SND1: variants seen among roughly 807,000 people sequenced by gnomAD.
SND1 encodes the protein staphylococcal nuclease and tudor domain containing 1.
A neutral mutation model predicts 121.7 loss-of-function variants in SND1; 38 were observed. The observed-to-expected ratio is 0.31, with a 90% CI of 0.24 to 0.41. SND1 has a LOEUF of 0.41. Among genes scored for constraint, SND1 ranks in the 10% least tolerant of loss-of-function variants. SND1 has a pLI of 1.00. For missense variants in SND1, 868 were observed against 1,184.6 expected (o/e 0.73, Z 3.92); for synonymous variants, 401 against 447.4 (o/e 0.90, Z 1.31).
intron 9 of SND1, among the ~76,000 whole-genome samples, chr7:127,720,286 T>C (rs982844665): frequency 6.6e-6 from 1 of 152,232 alleles, no homozygotes; most frequent in Non-Finnish European, 1.5e-5. Context: ...TTCAGTCTGG[T>C]AGCTCTTAAA....
At chr7:127,709,349 TC>T (rs1413929890) in intron 9 of SND1, among the ~76,000 whole-genome samples, 1 of 152,202 alleles carries the variant, frequency 6.6e-6, no homozygotes, top group African/African-American at 2.4e-5. Flanking sequence ...TTTTTCGCCA[TC>T]TTCACTTTGA....
chr7:127,668,597 G>A (rs1795459826), intron 1 of SND1, among the ~76,000 whole-genome samples: 1 of 152,192 alleles, frequency 6.6e-6, no homozygotes, highest in African/African-American at 2.4e-5. Context: ...GTACAGTGGT[G>A]GACTCAGGAG....
intron 10 of SND1, among the ~76,000 whole-genome samples, chr7:127,742,118 T>C (rs1324643423): frequency 6.6e-6 from 1 of 152,180 alleles, no homozygotes; most frequent in Non-Finnish European, 1.5e-5. Context: ...AGCTGGTAGC[T>C]GGGCCTAGGT....
intron 14 of SND1, among the ~76,000 whole-genome samples, chr7:127,921,070 A>G (rs946700530): frequency 2.6e-5 from 4 of 152,194 alleles, no homozygotes; most frequent in African/African-American, 7.2e-5. Context: ...TAGAATTTGT[A>G]TTTGATTGAG....
intron 11 of SND1, among the ~76,000 whole-genome samples, chr7:127,809,977 T>A (rs1798304010): frequency 6.6e-6 from 1 of 152,158 alleles, no homozygotes; most frequent in Non-Finnish European, 1.5e-5. Flanking sequence ...TCTCATGAAG[T>A]TGAGTTATGA....
intron 15 of SND1, among the ~76,000 whole-genome samples, chr7:127,940,458 C>T (rs182906715): frequency 1.3e-5 from 2 of 152,196 alleles, no homozygotes; most frequent in African/African-American, 2.4e-5. Context: ...GACCTGGATG[C>T]AGGAGAGGGA....
chr7:127,911,758 C>T (rs1445070217), intron 14 of SND1, among the ~76,000 whole-genome samples: 1 of 152,140 alleles, frequency 6.6e-6, no homozygotes, highest in African/African-American at 2.4e-5. Context: ...CCTTGGCCTC[C>T]CAAAGTGCTA....
At chr7:127,911,253 C>T (rs1049104412) in intron 14 of SND1, among the ~76,000 whole-genome samples, 2 of 152,254 alleles carry the variant, frequency 1.3e-5, no homozygotes, top group Non-Finnish European at 2.9e-5. Context: ...ATGCCATCAC[C>T]TCTGTGGCAC....
chr7:127,821,469 G>A (rs1435112131), intron 11 of SND1, among the ~76,000 whole-genome samples: 1 of 152,086 alleles, frequency 6.6e-6, no homozygotes, highest in Non-Finnish European at 1.5e-5. Flanking sequence ...CTCTCCAACT[G>A]TTGTCTCCAG....
chr7:127,999,444 T>TC (rs1334441005), intron 16 of SND1: 2 of 151,722 alleles, frequency 1.3e-5, no homozygotes, highest in Non-Finnish European at 2.9e-5. Context: ...GTTTCATTTT[T>TC]CCCCCCAAGT....
At chr7:127,745,006 T>G (rs533442214) in intron 10 of SND1, among the ~76,000 whole-genome samples, 2 of 152,356 alleles carry the variant, frequency 1.3e-5, no homozygotes, top group South Asian at 4.1e-4. Context: ...ATAGGAAGTT[T>G]AATTCCAAGA....
At chr7:127,936,109 T>G (rs1801055702) in intron 15 of SND1, among the ~76,000 whole-genome samples, 1 of 152,110 alleles carries the variant, frequency 6.6e-6, no homozygotes, top group Non-Finnish European at 1.5e-5. Flanking sequence ...AGCCAACAGG[T>G]CAGTGCCTCC....
Position 127,771,600 on chromosome 7 carries a change from A to G in SND1, c.1153-35884A>G, listed in dbSNP as rs1026231942. Among the ~76,000 whole-genome samples the G allele has an allele frequency of 3.9e-5, 6 of 152,274 alleles. No individual in the cohort carries two copies. In the Middle Eastern group the frequency reaches 0.014, roughly 345 times the overall value. On this transcript the variant is annotated intron_variant, in intron 10 of 23. Transcript: ENST00000354725. ...GCCTTCTTAGGCTTATTGGAGATAT[A>G]TCATCAATTAAAAAAAAAGAAGTCT...
At chr7:127,712,042 A>G (rs1048214400) in intron 9 of SND1, among the ~76,000 whole-genome samples, 6 of 151,048 alleles carry the variant, frequency 4.0e-5, no homozygotes, top group African/African-American at 1.2e-4. Flanking sequence ...TATTTTTCAT[A>G]TTAGAGGCTT....
chr7:127,950,071 C>A (rs1219904535), intron 15 of SND1, among the ~76,000 whole-genome samples: 1 of 152,172 alleles, frequency 6.6e-6, no homozygotes, highest in Non-Finnish European at 1.5e-5. Flanking sequence ...ATCCCAAGAG[C>A]TTTAGAATAG....
At chr7:127,833,159 C>T (rs1362849015) in intron 11 of SND1, among the ~76,000 whole-genome samples, 8 of 151,836 alleles carry the variant, frequency 5.3e-5, no homozygotes, top group South Asian at 2.1e-4. Flanking sequence ...ATATGACAAC[C>T]GGAGACTTCT....
In SND1 at chr7:127,687,863, T is replaced by A. The variant is rs140466364; in HGVS notation, c.228+1101T>A. 5.9e-5 allele frequency among the ~76,000 whole-genome samples: 9 copies of A among 152,222 alleles called. No individual in the cohort carries two copies. In the East Asian group the frequency reaches 1.5e-3, roughly 26 times the overall value. ...ATCATACCTGGCTAATTTTTATTTT[T>A]ATTTTTTTTAGTAGAAAGGAGGTCT... On this transcript the variant is annotated intron_variant, in intron 2 of 23. Transcript: ENST00000354725.
intron 1 of SND1, among the ~76,000 whole-genome samples, chr7:127,671,038 A>G (rs1018913136): frequency 2.0e-5 from 3 of 152,210 alleles, no homozygotes; most frequent in African/African-American, 7.2e-5. Flanking sequence ...TGTATGGTCC[A>G]TGCAACATAA....
intron 10 of SND1, among the ~76,000 whole-genome samples, chr7:127,776,025 G>T (rs1200335649): frequency 6.6e-6 from 1 of 152,142 alleles, no homozygotes; most frequent in Non-Finnish European, 1.5e-5. Context: ...GTTAAAGCCA[G>T]TTTTCATTTT....
Sources: gnomAD v4.1 joint callset for allele counts (sites outside exome capture counted in the v4.1 genomes callset) on GRCh38, gnomAD v4.1.1 for gene constraint, MANE v1.5 for transcripts, NCBI Gene and HGNC (gene_info 2026-07-23, HGNC 2026-07-21) for gene names.